The following DCC variants were observed in gnomAD, a reference collection of about 807,000 sequenced individuals.
DCC encodes netrin receptor DCC.
DCC carries 58 observed loss-of-function variants against 172.5 expected under a neutral mutation model. That is an observed-to-expected ratio of 0.34 (90% CI 0.27 to 0.42). The LOEUF is 0.42. Among genes scored for constraint, DCC ranks in the 10% least tolerant of loss-of-function variants. The probability of loss-of-function intolerance (pLI) is 1.00; values close to 1 mark genes in which losing one functional copy is unlikely to be tolerated. For synonymous variants in DCC, 709 were observed against 644.5 expected (o/e 1.10, Z -1.52); for missense variants, 1,740 against 1,791.0 (o/e 0.97, Z 0.51).
chr18:52,761,908 CAA>C (rs1222086354), intron 2 of DCC, among the ~76,000 whole-genome samples: 3 of 48,438 alleles, frequency 6.2e-5, no homozygotes, highest in Admixed American at 2.3e-4. Context: ...GACTCTGTCT[CAA>C]AAAAAAAAAA....
chr18:53,425,363 T>TGTTTTTTG (rs200775293), intron 21 of DCC, among the ~76,000 whole-genome samples: 12,659 of 132,122 alleles, frequency 0.096, 912 homozygotes, highest in East Asian at 0.21. Flanking sequence ...CTCTCTTTTT[T>TGTTTTTTG]TTTTTTTTTT....
chr18:52,949,895 A>G (rs1008237944), intron 5 of DCC, among the ~76,000 whole-genome samples: 11 of 152,138 alleles, frequency 7.2e-5, no homozygotes, highest in African/African-American at 2.7e-4. Context: ...ATTTGAGTTT[A>G]TTTCCATCAT....
intron 1 of DCC, among the ~76,000 whole-genome samples, chr18:52,730,554 A>G (rs2036622983): frequency 6.6e-6 from 1 of 152,184 alleles, no homozygotes; most frequent in East Asian, 1.9e-4. Context: ...CTGGATTCCA[A>G]ACATGGAACC....
At chr18:52,366,247 G>A (rs961493545) in intron 1 of DCC, among the ~76,000 whole-genome samples, 1 of 151,988 alleles carries the variant, frequency 6.6e-6, no homozygotes, top group Non-Finnish European at 1.5e-5. Flanking sequence ...ATGAAGCCAC[G>A]GACCCTCGCG....
At chr18:52,523,659 G>T (rs763614808) in intron 1 of DCC, among the ~76,000 whole-genome samples, 85 of 152,182 alleles carry the variant, frequency 5.6e-4, no homozygotes, top group Non-Finnish European at 9.9e-4. Flanking sequence ...AATCTAAAAA[G>T]GTTCTTTCAT....
At chr18:53,436,987 C>T (rs1186074052) in intron 22 of DCC, among the ~76,000 whole-genome samples, 1 of 152,098 alleles carries the variant, frequency 6.6e-6, no homozygotes, top group Non-Finnish European at 1.5e-5. Context: ...GCACTAATCC[C>T]GTTTATGAGG....
chr18:52,907,564 G>A (rs1027421211), intron 3 of DCC, among the ~76,000 whole-genome samples: 5 of 151,844 alleles, frequency 3.3e-5, no homozygotes, highest in Non-Finnish European at 7.4e-5. Context: ...CAGAATTGTG[G>A]CACCACACCC....
At chr18:53,435,574 G>T (rs1911888582) in intron 22 of DCC, among the ~76,000 whole-genome samples, 1 of 151,994 alleles carries the variant, frequency 6.6e-6, no homozygotes, top group Non-Finnish European at 1.5e-5. Context: ...TTTGAGAGAG[G>T]TGATATCTAA....
chr18:52,651,236 C>T (rs1419895599), intron 1 of DCC, among the ~76,000 whole-genome samples: 3 of 152,180 alleles, frequency 2.0e-5, no homozygotes, highest in Non-Finnish European at 4.4e-5. Context: ...AAACATGGCT[C>T]ACTGCAGCCT....
At chr18:52,527,222 T>C (rs932149946) in intron 1 of DCC, among the ~76,000 whole-genome samples, 9 of 152,180 alleles carry the variant, frequency 5.9e-5, no homozygotes, top group Non-Finnish European at 1.2e-4. Flanking sequence ...TTTAGAGCAA[T>C]TTGTTCTTCT....
At chr18:53,459,589 G>A in intron 24 of DCC, 131 bp downstream of exon 24, 1 of 707,246 alleles carries the variant, frequency 1.4e-6, no homozygotes, top group South Asian at 1.5e-5. Context: ...ATAGTTAAAT[G>A]GATCTAATAT....
At chr18:53,123,064 CAAG>C (rs2043504980) in intron 7 of DCC, among the ~76,000 whole-genome samples, 1 of 152,022 alleles carries the variant, frequency 6.6e-6, no homozygotes, top group Admixed American at 6.6e-5. Context: ...CATCCACCCT[CAAG>C]AAGCTTATAT....
At chr18:53,116,892 A>G (rs1446176563) in intron 7 of DCC, among the ~76,000 whole-genome samples, 1 of 151,722 alleles carries the variant, frequency 6.6e-6, no homozygotes, top group African/African-American at 2.4e-5. Flanking sequence ...CAGATCCTCC[A>G]TATTAAGTTA....
chr18:52,923,165 A>G lies in DCC; in HGVS notation c.698-542A>G, dbSNP rs140195967. ...GTTATAAAATAAACCAACTTCAGTTATATAAATCTGACTTCCTTTTCTAAG... is the reference window on the plus strand; with the variant it reads ...GTTATAAAATAAACCAACTTCAGTTGTATAAATCTGACTTCCTTTTCTAAG... On this transcript the variant is annotated intron_variant, in intron 3 of 28. Transcript: ENST00000442544. Among the ~76,000 whole-genome samples, 399 of 152,290 alleles carry G rather than the reference A, an allele frequency of 2.6e-3. 9 individuals carry two copies. Among genetic ancestry groups the G allele is most frequent in the East Asian group, 0.019 (97 of 5,172 alleles).
intron 5 of DCC, among the ~76,000 whole-genome samples, chr18:53,047,905 G>T (rs1206814421): frequency 1.5e-5 from 1 of 65,534 alleles, no homozygotes; most frequent in Non-Finnish European, 2.6e-5. Context: ...CCTTCGAGAT[G>T]TGTGTGTGTG....
chr18:53,508,224 A>T (rs1373902027), intron 27 of DCC, among the ~76,000 whole-genome samples: 2 of 144,504 alleles, frequency 1.4e-5, no homozygotes, highest in Admixed American at 7.0e-5. Context: ...ACAGTCTCTT[A>T]CTCTGTCACC....
At chr18:53,042,064 G>A (rs1336164947) in intron 5 of DCC, among the ~76,000 whole-genome samples, 1 of 151,946 alleles carries the variant, frequency 6.6e-6, no homozygotes, top group Non-Finnish European at 1.5e-5. Flanking sequence ...GGTGAGAGAG[G>A]GCCTCCTTGT....
chr18:53,300,879 T>C (rs1257948549), intron 12 of DCC, among the ~76,000 whole-genome samples: 1 of 151,928 alleles, frequency 6.6e-6, no homozygotes, highest in African/African-American at 2.4e-5. Context: ...CCCTGGAGAG[T>C]CTAGCTCTGC....
At chr18:52,363,896 G>C (rs1598863482) in intron 1 of DCC, among the ~76,000 whole-genome samples, 1 of 152,164 alleles carries the variant, frequency 6.6e-6, no homozygotes, top group African/African-American at 2.4e-5. Context: ...TGGAGGGCCA[G>C]ATGTACTCTC....
Sources: gnomAD v4.1 joint callset for allele counts (sites outside exome capture counted in the v4.1 genomes callset) on GRCh38, gnomAD v4.1.1 for gene constraint, MANE v1.5 for transcripts, NCBI Gene and HGNC (gene_info 2026-07-23, HGNC 2026-07-21) for gene names.